MRPS35: variants seen among roughly 807,000 people sequenced by gnomAD.
MRPS35 encodes the protein small ribosomal subunit protein mS35.
MRPS35 carries 29 observed loss-of-function variants against 32.7 expected under a neutral mutation model. The observed-to-expected ratio is 0.89, with a 90% CI of 0.66 to 1.21. The LOEUF is 1.21. Among genes scored for constraint, MRPS35 ranks in the 50% most tolerant of loss-of-function variants. The pLI, the probability that MRPS35 is intolerant of heterozygous loss-of-function variation, is 0.00. For missense variants in MRPS35, 373 were observed against 383.8 expected (o/e 0.97, Z 0.23); for synonymous variants, 148 against 139.3 (o/e 1.06, Z -0.44).
At chr12:27,743,255 C>T (rs1302499738) in intron 7 of MRPS35, among the ~76,000 whole-genome samples, 7 of 151,992 alleles carry the variant, frequency 4.6e-5, no homozygotes, top group East Asian at 2.0e-4. Context: ...TGGCTGGGCA[C>T]GGTGGCTCAC....
Position 27,756,204 on chromosome 12 carries a change from T to C in MRPS35, c.*754T>C, listed in dbSNP as rs560905420. 1.3e-5 allele frequency: 2 copies of C among 152,386 alleles called. No individual in the cohort carries two copies. Among genetic ancestry groups the C allele is most frequent in the East Asian group, 3.9e-4 (2 of 5,194 alleles). 9.4% of individuals were successfully genotyped at this position (152,386 alleles called of 1,614,324 possible). ...ACCCTGCATTCAATGTAGCTGTCAA[T>C]TCAGTATTTTTAAGTACACCTGTCA... On this transcript the variant is annotated 3_prime_UTR_variant, in exon 8 of 8. Coordinates refer to ENST00000081029, the MANE Select transcript of MRPS35 (RefSeq NM_021821.4).
At chr12:27,738,800 AAAAAT>A (rs1377607171) in intron 7 of MRPS35, among the ~76,000 whole-genome samples, 1 of 152,172 alleles carries the variant, frequency 6.6e-6, no homozygotes, top group African/African-American at 2.4e-5. Context: ...GAAAAATAGA[AAAAAT>A]AAAAGTTTTC....
Position 27,720,611 on chromosome 12 carries a change from A to G in MRPS35, c.382+743A>G, listed in dbSNP as rs575065890. 8.4e-4 allele frequency among the ~76,000 whole-genome samples: 128 copies of G among 151,962 alleles called. 1 individual carries two copies. Among genetic ancestry groups the G allele is most frequent in the African/African-American group, 2.9e-3 (122 of 41,470 alleles). On this transcript the variant is annotated intron_variant, in intron 4 of 7. Transcript: ENST00000081029. Reference sequence around the variant, plus strand: ...ACCATCCCCAGCCCCTCATTTATTTATGTATATATGCTTATATTTATAATA... The same window carrying G: ...ACCATCCCCAGCCCCTCATTTATTTGTGTATATATGCTTATATTTATAATA...
At chr12:27,743,973 A>G (rs1277709791) in intron 7 of MRPS35, among the ~76,000 whole-genome samples, 1 of 152,238 alleles carries the variant, frequency 6.6e-6, no homozygotes, top group Non-Finnish European at 1.5e-5. Context: ...TTTGGTCTGT[A>G]GCACGGGTTC....
chr12:27,713,363 T>G (rs1484513950), intron 1 of MRPS35, among the ~76,000 whole-genome samples: 1 of 152,164 alleles, frequency 6.6e-6, no homozygotes, highest in Non-Finnish European at 1.5e-5. Context: ...TTAGGGGAAT[T>G]GACTCACCCC....
chr12:27,744,260 T>C (rs774385341), intron 7 of MRPS35, among the ~76,000 whole-genome samples: 5 of 152,142 alleles, frequency 3.3e-5, no homozygotes, highest in Non-Finnish European at 7.4e-5. Context: ...TACTTCAAAC[T>C]ATCTAGGTCA....
At chr12:27,748,230 A>G (rs2061987788) in intron 7 of MRPS35, among the ~76,000 whole-genome samples, 1 of 152,238 alleles carries the variant, frequency 6.6e-6, no homozygotes. Flanking sequence ...CTCACAGTCA[A>G]CTTCAAGTCT....
chr12:27,723,597 G>A (rs1349687591), intron 4 of MRPS35, among the ~76,000 whole-genome samples: 1 of 151,392 alleles, frequency 6.6e-6, no homozygotes, highest in East Asian at 1.9e-4. Context: ...TTTCTTCTTA[G>A]GGCTTTTTGA....
chr12:27,755,144 T>C, intron 7 of MRPS35, 37 bp from the exon 8 acceptor site: 1 of 1,488,864 alleles, frequency 6.7e-7, no homozygotes, highest in Non-Finnish European at 9.0e-7. Context: ...TTTCTCAGAA[T>C]TCAGAACTCA....
Position 27,748,438 on chromosome 12 carries a change from GGTGTGTGTGTGTGTGTGTGTGTGT to G in MRPS35, c.703-6733_703-6710del, listed in dbSNP as rs35760106. 1.2e-4 allele frequency among the ~76,000 whole-genome samples: 18 copies of G among 146,080 alleles called. No individual in the cohort carries two copies. In the South Asian group the frequency reaches 4.0e-3, roughly 33 times the overall value. On this transcript the variant is annotated intron_variant, in intron 7 of 7. Coordinates refer to ENST00000081029, the MANE Select transcript of MRPS35 (RefSeq NM_021821.4). The stretch of plus-strand genomic sequence containing the variant: ...TGCAGGCAGGAAGAAAAAGAAAAGT[GGTGTGTGTGTGTGTGTGTGTGTGT>G]GTGTGTGTGATCCATATTTATAAAT...
At chr12:27,730,427 A>G (rs1489847717) in intron 5 of MRPS35, among the ~76,000 whole-genome samples, 1 of 152,126 alleles carries the variant, frequency 6.6e-6, no homozygotes, top group Admixed American at 6.6e-5. Flanking sequence ...TCATATCGAG[A>G]GTATAGGCTA....
chr12:27,740,140 T>C (rs2140775893), intron 7 of MRPS35, among the ~76,000 whole-genome samples: 1 of 152,380 alleles, frequency 6.6e-6, no homozygotes, highest in African/African-American at 2.4e-5. Flanking sequence ...CAACATGGAA[T>C]TCATACTTGA....
chr12:27,747,333 G>T (rs1192588372), intron 7 of MRPS35, among the ~76,000 whole-genome samples: 1 of 152,008 alleles, frequency 6.6e-6, no homozygotes, highest in Non-Finnish European at 1.5e-5. Context: ...ATAATTGCCT[G>T]TATACGTGTC....
At chr12:27,733,007 T>G (rs1274422648) in intron 5 of MRPS35, among the ~76,000 whole-genome samples, 4 of 33,764 alleles carry the variant, frequency 1.2e-4, no homozygotes, top group Admixed American at 8.3e-4. Flanking sequence ...TATATATATA[T>G]ATATATATAT....
chr12:27,729,951 G>A (rs985718290), intron 5 of MRPS35, among the ~76,000 whole-genome samples: 4 of 152,216 alleles, frequency 2.6e-5, no homozygotes, highest in Non-Finnish European at 4.4e-5. Flanking sequence ...TCACACAGCA[G>A]TCATGGAGCA....
At chr12:27,715,407 G>A (rs771550664) in intron 2 of MRPS35, among the ~76,000 whole-genome samples, 19 of 152,284 alleles carry the variant, frequency 1.2e-4, no homozygotes, top group Admixed American at 2.6e-4. Flanking sequence ...GATTACAGGC[G>A]TGAGCTACTG....
Position 27,735,544 on chromosome 12 carries a change from T to G in MRPS35, c.620T>G (p.Ile207Ser), listed in dbSNP as rs550273094. ...RYCKTTDVLT[I>S]KTDRCPLRRQ... Reference sequence around the variant, plus strand: ...TGCAAGACCACAGATGTGCTTACCATCAAAACAGATAGGTAATGGAAAAAA... The same window carrying G: ...TGCAAGACCACAGATGTGCTTACCAGCAAAACAGATAGGTAATGGAAAAAA... The change falls in exon 6 of 8, where the codon ATC becomes AGC. Residue 207 changes from isoleucine to serine, a missense_variant. Physicochemically the swap from Ile to Ser is moderately radical, Grantham distance 142. Transcript: ENST00000081029. 1 of 1,609,234 alleles carries G rather than the reference T, an allele frequency of 6.2e-7. No homozygotes were observed.
intron 6 of MRPS35, among the ~76,000 whole-genome samples, chr12:27,737,285 A>C (rs1476774555): frequency 6.6e-6 from 1 of 152,252 alleles, no homozygotes; most frequent in Non-Finnish European, 1.5e-5. Flanking sequence ...AGCGTAAGCT[A>C]TTGTTACATA....
chr12:27,751,313 A>T (rs1489336021), intron 7 of MRPS35, among the ~76,000 whole-genome samples: 1 of 152,114 alleles, frequency 6.6e-6, no homozygotes, highest in Non-Finnish European at 1.5e-5. Flanking sequence ...ATTATTCCAT[A>T]GTGCAGGGAT....
Sources: allele counts gnomAD v4.1 joint callset (sites outside exome capture counted in the v4.1 genomes callset), GRCh38; gene constraint gnomAD v4.1.1; transcripts MANE v1.5; gene names NCBI Gene and HGNC (gene_info 2026-07-23, HGNC 2026-07-21).